The following NCR3LG1 variants were observed in gnomAD, a reference collection of about 807,000 sequenced individuals.
NCR3LG1 encodes the protein natural killer cell cytotoxicity receptor 3 ligand 1.
Under a neutral mutation model 34.8 loss-of-function variants are expected in NCR3LG1, and 35 were observed. The observed-to-expected ratio is 1.01, with a 90% CI of 0.77 to 1.33. The LOEUF (loss-of-function observed/expected upper bound fraction) is 1.33. NCR3LG1 is among the 40% of genes most tolerant of loss of function. The probability of loss-of-function intolerance (pLI) is 0.00; values close to 1 mark genes in which losing one functional copy is unlikely to be tolerated. For synonymous variants in NCR3LG1, 173 were observed against 163.6 expected (o/e 1.06, Z -0.44); for missense variants, 452 against 423.3 (o/e 1.07, Z -0.60).
rs1953138716 is a variant in NCR3LG1, at chr11:17,351,905, C to T, written c.-65C>T. 7.6e-7 allele frequency: 1 copy of T among 1,310,732 alleles called. No homozygotes were observed. Among genetic ancestry groups the T allele is most frequent in the Admixed American group, 2.0e-5 (1 of 50,314 alleles). 81.2% of individuals were successfully genotyped at this position (1,310,732 alleles called of 1,614,324 possible). A position where few individuals can be genotyped will look rare whatever the true frequency, so the allele number is the denominator to read the frequency against. ...TACGCAACAGAGGTCTCCCCCTGCC[C>T]TTGGTTTCTACCGGGCCGCCTGCTC... On this transcript the variant is annotated 5_prime_UTR_variant, in exon 1 of 5. Transcript: ENST00000338965.
At chr11:17,378,855 A>T (rs887165065), downstream of NCR3LG1, among the ~76,000 whole-genome samples, 13 of 152,236 alleles carry the variant, frequency 8.5e-5, no homozygotes, top group Admixed American at 3.3e-4. Context: ...TAGGTAAGAA[A>T]GACTACACAG....
chr11:17,376,101 A>G lies in NCR3LG1; in HGVS notation c.*3589A>G, dbSNP rs1451869335. ...AAACCCTCTTAAAAATAATCCCTTT[A>G]ACAGATGACTTCTTCCCCACCACAA... On this transcript the variant is annotated 3_prime_UTR_variant, in exon 5 of 5. Coordinates refer to ENST00000338965, the MANE Select transcript of NCR3LG1 (RefSeq NM_001202439.3). The G allele has an allele frequency of 2.0e-5, 3 of 152,222 alleles. No homozygotes were observed. Among genetic ancestry groups the G allele is most frequent in the Non-Finnish European group, 2.9e-5 (2 of 68,042 alleles). 9.4% of individuals were successfully genotyped at this position (152,222 alleles called of 1,614,324 possible).
rs1953431138 is a variant in NCR3LG1, at chr11:17,373,098, T to C, written c.*586T>C. ...AATAATTCAATTGAGGGACAGCTAA[T>C]TTTGAAAGACAAGTTTATTACTCAG... On this transcript the variant is annotated 3_prime_UTR_variant, in exon 5 of 5. Transcript: ENST00000338965. 1 of 152,262 alleles carries C rather than the reference T, an allele frequency of 6.6e-6. No homozygotes were observed. The highest frequency in any genetic ancestry group is 1.5e-5 in the Non-Finnish European group (1 of 68,100). 9.4% of individuals were successfully genotyped at this position (152,262 alleles called of 1,614,324 possible). A position where few individuals can be genotyped will look rare whatever the true frequency, so the allele number is the denominator to read the frequency against.
At chr11:17,369,053 G>A in intron 4 of NCR3LG1, 89 bp downstream of exon 4, 1 of 749,900 alleles carries the variant, frequency 1.3e-6, no homozygotes, top group Non-Finnish European at 2.1e-6. Flanking sequence ...CAAGCCTCAA[G>A]GGACAGGCCT....
chr11:17,368,469 T>G (rs984343315), intron 3 of NCR3LG1, among the ~76,000 whole-genome samples: 5 of 151,976 alleles, frequency 3.3e-5, no homozygotes, highest in African/African-American at 1.2e-4. Context: ...GGTGTGTGTG[T>G]GGGTGGCATG....
At chr11:17,359,100 C>T (rs1953242354) in intron 2 of NCR3LG1, among the ~76,000 whole-genome samples, 1 of 152,238 alleles carries the variant, frequency 6.6e-6, no homozygotes, top group Middle Eastern at 3.4e-3. Flanking sequence ...CTCCAAGAAA[C>T]CTTGGTTCCT....
intron 4 of NCR3LG1, 23 bp from the exon 5 acceptor site, chr11:17,371,983 C>T (rs1184564351): frequency 4.3e-6 from 3 of 689,888 alleles, no homozygotes; most frequent in Admixed American, 4.1e-5. Flanking sequence ...CTAAGGGATG[C>T]CTTTTCTCTC....
intron 1 of NCR3LG1, among the ~76,000 whole-genome samples, chr11:17,356,226 C>A (rs188788756): frequency 1.1e-4 from 16 of 150,328 alleles, no homozygotes; most frequent in Admixed American, 1.0e-3. Context: ...CAACCCCTGC[C>A]TCCTGGGTTC....
intron 2 of NCR3LG1, among the ~76,000 whole-genome samples, chr11:17,362,941 T>G (rs1405101450): frequency 1.7e-5 from 2 of 119,586 alleles, no homozygotes; most frequent in Non-Finnish European, 3.3e-5. Flanking sequence ...CCTTTCTTCC[T>G]GCAACGTCTT....
At chr11:17,369,424 C>G (rs1025308488) in intron 4 of NCR3LG1, among the ~76,000 whole-genome samples, 8 of 152,124 alleles carry the variant, frequency 5.3e-5, no homozygotes, top group Admixed American at 3.3e-4. Context: ...AATTTCTAAC[C>G]CTCACTAGGT....
chr11:17,365,034 T>G (rs1953329501), intron 2 of NCR3LG1, among the ~76,000 whole-genome samples: 1 of 152,364 alleles, frequency 6.6e-6, no homozygotes, highest in East Asian at 1.9e-4. Flanking sequence ...AATTATAGTT[T>G]TTTAAAATTC....
At chr11:17,362,722 TTCTTTCTTTCTTTCTTTCTTTC>T (rs1953288687) in intron 2 of NCR3LG1, among the ~76,000 whole-genome samples, 2 of 108,548 alleles carry the variant, frequency 1.8e-5, no homozygotes, top group South Asian at 2.9e-4. Flanking sequence ...CTTTCTTTCT[TTCTTTCTTTCTTTCTTTCTTTC>T]TTTCTTTCTT....
chr11:17,363,199 C>T (rs4757509), intron 2 of NCR3LG1, among the ~76,000 whole-genome samples: 32,570 of 151,002 alleles, frequency 0.22, 3,855 homozygotes, highest in African/African-American at 0.28. Context: ...GCTGGGATTA[C>T]AGGCATGAGC....
intron 2 of NCR3LG1, among the ~76,000 whole-genome samples, chr11:17,357,903 G>T (rs146386811): frequency 1.3e-5 from 2 of 151,884 alleles, no homozygotes; most frequent in Admixed American, 1.3e-4. Context: ...ATGGGGCCTT[G>T]TGTTGCCCAG....
At chr11:17,362,300 G>A (rs1230155542) in intron 2 of NCR3LG1, among the ~76,000 whole-genome samples, 4 of 152,086 alleles carry the variant, frequency 2.6e-5, no homozygotes, top group Non-Finnish European at 5.9e-5. Flanking sequence ...AGCCAGCCTT[G>A]CATATGTGTA....
intron 1 of NCR3LG1, among the ~76,000 whole-genome samples, chr11:17,356,136 C>CTTTTTTTTTTTTTTTTTTTTTTTT (rs71457872): frequency 9.6e-6 from 1 of 104,562 alleles, no homozygotes; most frequent in Non-Finnish European, 1.8e-5. Flanking sequence ...TTCTTTCTTT[C>CTTTTTTTTTTTTTTTTTTTTTTTT]TTTTTTTTTT....
At chr11:17,371,445 A>C (rs778224826) in intron 4 of NCR3LG1, among the ~76,000 whole-genome samples, 5 of 152,172 alleles carry the variant, frequency 3.3e-5, no homozygotes, top group Non-Finnish European at 7.3e-5. Flanking sequence ...AGCCAGGAAG[A>C]AGCTACCCTG....
intron 2 of NCR3LG1, among the ~76,000 whole-genome samples, chr11:17,360,632 T>A (rs2133347258): frequency 6.6e-6 from 1 of 152,260 alleles, no homozygotes; most frequent in East Asian, 1.9e-4. Flanking sequence ...AACACCTAAT[T>A]GTTCCAGCAT....
At chr11:17,357,893 A>G (rs1953229239) in intron 2 of NCR3LG1, among the ~76,000 whole-genome samples, 1 of 151,772 alleles carries the variant, frequency 6.6e-6, no homozygotes, top group South Asian at 2.1e-4. Context: ...TTTTGTAGAG[A>G]TGGGGCCTTG....
Sources: allele counts gnomAD v4.1 joint callset (sites outside exome capture counted in the v4.1 genomes callset), GRCh38; gene constraint gnomAD v4.1.1; transcripts MANE v1.5; gene names NCBI Gene and HGNC (gene_info 2026-07-23, HGNC 2026-07-21).